Variants in SCARA3 observed in about 807,000 individuals in gnomAD.
SCARA3 encodes the protein scavenger receptor class A member 3.
SCARA3 carries 39 observed loss-of-function variants against 47.0 expected under a neutral mutation model. The observed-to-expected ratio is 0.83, with a 90% CI of 0.64 to 1.08. The LOEUF (loss-of-function observed/expected upper bound fraction) is 1.08, where lower values mean the gene tolerates loss of function less well. Ranked by LOEUF, SCARA3 falls within the 50% of genes least tolerant of loss-of-function variation. The probability of loss-of-function intolerance (pLI) is 0.00; values close to 1 mark genes in which losing one functional copy is unlikely to be tolerated. For missense variants in SCARA3, 724 were observed against 792.3 expected (o/e 0.91, Z 1.04); for synonymous variants, 356 against 334.1 (o/e 1.07, Z -0.71).
the SCARA3 span, among the ~76,000 whole-genome samples, chr8:27,689,194 A>G: frequency 6.6e-6 from 1 of 152,186 alleles, no homozygotes; most frequent in Non-Finnish European, 1.5e-5. Context: ...TTGATAAACC[A>G]GTTCCGGAAG....
At chr8:27,717,245 C>T in the SCARA3 span, among the ~76,000 whole-genome samples, 1 of 152,146 alleles carries the variant, frequency 6.6e-6, no homozygotes, top group African/African-American at 2.4e-5. Context: ...ATTAAAATAG[C>T]TCCACAATAA....
At chr8:27,706,583 GA>G in the SCARA3 span, among the ~76,000 whole-genome samples, 1 of 152,180 alleles carries the variant, frequency 6.6e-6, no homozygotes, top group East Asian at 1.9e-4. Flanking sequence ...ACGAGATGGG[GA>G]AAAGACTGTT....
At chr8:27,673,678 C>T (rs1563416196), downstream of SCARA3, among the ~76,000 whole-genome samples, 1 of 152,132 alleles carries the variant, frequency 6.6e-6, no homozygotes, top group Admixed American at 6.5e-5. Context: ...CCCTCCTCCC[C>T]ACTGACATCT....
chr8:27,699,954 T>TTTCAACAAATGATTTTTA, the SCARA3 span, among the ~76,000 whole-genome samples: 1 of 152,310 alleles, frequency 6.6e-6, no homozygotes, highest in Non-Finnish European at 1.5e-5. Context: ...TTCAAAGTCT[T>TTTCAACAAATGATTTTTA]TTCAACAAAT....
chr8:27,681,092 G>T (rs888003233), downstream of SCARA3, among the ~76,000 whole-genome samples: 1 of 152,154 alleles, frequency 6.6e-6, no homozygotes, highest in Non-Finnish European at 1.5e-5. Context: ...CAAGGCAAGA[G>T]TATTGACTCT....
chr8:27,646,965 C>CGGGGGGGGGGGGGGGGGG (rs1563402910), intron 1 of SCARA3, among the ~76,000 whole-genome samples: 1 of 48,316 alleles, frequency 2.1e-5, no homozygotes, highest in African/African-American at 7.0e-5. Flanking sequence ...CACCCCTGAC[C>CGGGGGGGGGGGGGGGGGG]GCCCCCGCCC....
intron 5 of SCARA3, among the ~76,000 whole-genome samples, chr8:27,667,517 G>A (rs1472718581): frequency 6.6e-6 from 1 of 152,234 alleles, no homozygotes; most frequent in Admixed American, 6.5e-5. Flanking sequence ...CATGGGGGAA[G>A]GAGATTGGGT....
the SCARA3 span, among the ~76,000 whole-genome samples, chr8:27,712,562 CAAAA>C: frequency 1.9e-5 from 2 of 107,264 alleles, no homozygotes; most frequent in Non-Finnish European, 1.8e-5. Flanking sequence ...GACTCCGTCT[CAAAA>C]AAAAAAAAAA....
downstream of SCARA3, among the ~76,000 whole-genome samples, chr8:27,675,375 G>T (rs772226546): frequency 6.6e-6 from 1 of 152,250 alleles, no homozygotes; most frequent in Non-Finnish European, 1.5e-5. Context: ...ACCTGTGGGT[G>T]GTGTGCTGAG....
chr8:27,726,499 C>T, the SCARA3 span, among the ~76,000 whole-genome samples: 1 of 152,102 alleles, frequency 6.6e-6, no homozygotes, highest in African/African-American at 2.4e-5. Flanking sequence ...CAGTTCGAGA[C>T]CAGCCTGACC....
At chr8:27,664,865 G>A (rs536832776) in intron 5 of SCARA3, among the ~76,000 whole-genome samples, 7 of 152,256 alleles carry the variant, frequency 4.6e-5, no homozygotes, top group East Asian at 1.9e-4. Flanking sequence ...TTGGTTCAAC[G>A]TCTGCACATT....
At chr8:27,722,145 G>A in the SCARA3 span, among the ~76,000 whole-genome samples, 1 of 152,140 alleles carries the variant, frequency 6.6e-6, no homozygotes, top group African/African-American at 2.4e-5. Flanking sequence ...TGATATGGTA[G>A]CATGACATTT....
chr8:27,705,949 C>T, the SCARA3 span, among the ~76,000 whole-genome samples: 1 of 151,114 alleles, frequency 6.6e-6, no homozygotes, highest in Non-Finnish European at 1.5e-5. Context: ...AGAGAGAGCA[C>T]GGCTTCATGA....
chr8:27,676,623 AG>A (rs1255737559), downstream of SCARA3: 1 of 1,315,308 alleles, frequency 7.6e-7, no homozygotes, highest in Non-Finnish European at 1.1e-6. Context: ...CATAAAGCCC[AG>A]GATGACCAAG....
At chr8:27,721,553 T>C in the SCARA3 span, among the ~76,000 whole-genome samples, 12 of 152,160 alleles carry the variant, frequency 7.9e-5, no homozygotes, top group East Asian at 1.3e-3. Context: ...AAATGGTTGG[T>C]TCTGGCCTTT....
downstream of SCARA3, among the ~76,000 whole-genome samples, chr8:27,678,979 G>A (rs1043283141): frequency 1.3e-5 from 2 of 152,164 alleles, no homozygotes; most frequent in African/African-American, 4.8e-5. Flanking sequence ...CCTGAGCTCA[G>A]GAGTTCGAGA....
At chr8:27,643,557 G>T (rs1057122600) in intron 1 of SCARA3, among the ~76,000 whole-genome samples, 15 of 152,226 alleles carry the variant, frequency 9.9e-5, no homozygotes, top group Admixed American at 9.8e-4. Context: ...CTGTGGAGAG[G>T]GGGTAGTGGC....
At position 27,671,830 on chromosome 8, in the gene SCARA3, C is replaced by A; in HGVS notation, c.*479C>A. ...AAACACATATATACACATGCACATA[C>A]ACAGATTTTTCTGCTGGCCAGGTGG... On this transcript the variant is annotated 3_prime_UTR_variant, in exon 6 of 6. Coordinates refer to ENST00000301904, the MANE Select transcript of SCARA3 (RefSeq NM_016240.3). 2 of 986,106 alleles carry A rather than the reference C, an allele frequency of 2.0e-6. No individual in the cohort carries two copies. The highest frequency in any genetic ancestry group is 2.4e-6 in the Non-Finnish European group (2 of 830,394). The allele number at this position is 986,106 out of a possible 1,614,324, so 61.1% of individuals were successfully genotyped here. A position where few individuals can be genotyped will look rare whatever the true frequency, so the allele number is the denominator to read the frequency against.
chr8:27,684,117 G>A, the SCARA3 span, among the ~76,000 whole-genome samples: 158 of 152,246 alleles, frequency 1.0e-3, no homozygotes, highest in African/African-American at 3.4e-3. Flanking sequence ...ATGTTAACAG[G>A]TGGGTGATTT....
Sources: allele counts gnomAD v4.1 joint callset (sites outside exome capture counted in the v4.1 genomes callset), GRCh38; gene constraint gnomAD v4.1.1; transcripts MANE v1.5; gene names NCBI Gene and HGNC (gene_info 2026-07-23, HGNC 2026-07-21).